Variants in POLA1 observed in about 807,000 individuals in gnomAD.
The protein encoded by POLA1 is DNA polymerase alpha 1, catalytic subunit.
In POLA1, 15 loss-of-function variants were observed where a neutral mutation model predicts 124.0. That is an observed-to-expected ratio of 0.12 (90% CI 0.08 to 0.19). The LOEUF is 0.19. Among genes scored for constraint, POLA1 ranks in the 10% least tolerant of loss-of-function variants. The probability of loss-of-function intolerance (pLI) is 1.00; values close to 1 mark genes in which losing one functional copy is unlikely to be tolerated. For synonymous variants in POLA1, 408 were observed against 389.4 expected (o/e 1.05, Z -0.56); for missense variants, 886 against 1,103.4 (o/e 0.80, Z 2.79).
chrX:24,917,392 A>G (rs767895672), intron 35 of POLA1, among the ~76,000 whole-genome samples: 3 of 111,993 alleles, frequency 2.7e-5, no homozygotes, highest in African/African-American at 9.7e-5. Flanking sequence ...TAGACAAGGA[A>G]TTAGTGAATT....
intron 35 of POLA1, among the ~76,000 whole-genome samples, chrX:24,924,053 AAG>A (rs894182797): frequency 1.9e-4 from 21 of 112,175 alleles, no homozygotes; most frequent in African/African-American, 6.8e-4. Flanking sequence ...ATTCATTTAA[AAG>A]AGACACTCAT....
intron 35 of POLA1, among the ~76,000 whole-genome samples, chrX:24,910,939 A>G (rs1413509411): frequency 4.4e-5 from 5 of 112,442 alleles, no homozygotes; most frequent in Non-Finnish European, 9.4e-5. Context: ...ATTCTTTTCA[A>G]GTGTACATGG....
intron 36 of POLA1, among the ~76,000 whole-genome samples, chrX:24,975,080 C>T (rs1483471130): frequency 3.6e-5 from 4 of 112,335 alleles, no homozygotes; most frequent in Admixed American, 9.4e-5. Flanking sequence ...GACATGATCT[C>T]GGCTCACTGC....
chrX:24,798,577 A>G (rs2045652949), intron 26 of POLA1, among the ~76,000 whole-genome samples: 2 of 110,711 alleles, frequency 1.8e-5, no homozygotes, highest in Non-Finnish European at 1.9e-5. Flanking sequence ...CCACCTTCAT[A>G]TTGTAAGAAG....
rs772362759 is a variant in POLA1 at position 24,881,136 on chromosome X, CTTA to C, written c.4048-6868_4048-6866del. Among the ~76,000 whole-genome samples, 340 of 111,997 alleles carry C rather than the reference CTTA, an allele frequency of 3.0e-3. 2 individuals are homozygous for C. Among genetic ancestry groups the C allele is most frequent in the African/African-American group, 0.01 (314 of 30,850 alleles). On this transcript the variant is annotated intron_variant, in intron 34 of 36. Transcript: ENST00000379068. ...TCAGGAAAAAAATACGAAAATTTCA[CTTA>C]TGTTGACTACACAGTTGTAATATTT...
At chrX:24,937,674 T>G (rs986755612) in intron 36 of POLA1, among the ~76,000 whole-genome samples, 1 of 111,827 alleles carries the variant, frequency 8.9e-6, no homozygotes, top group African/African-American at 3.3e-5. Context: ...ACGTGGAAGC[T>G]TGTTAGAAAT....
chrX:24,813,172 G>T (rs768203136), intron 29 of POLA1, among the ~76,000 whole-genome samples: 4 of 110,628 alleles, frequency 3.6e-5, no homozygotes, highest in African/African-American at 1.3e-4. Context: ...CGTTGATGTT[G>T]GTTTGTTTTG....
chrX:24,935,320 C>T (rs1342975380), intron 36 of POLA1, among the ~76,000 whole-genome samples: 1 of 112,513 alleles, frequency 8.9e-6, no homozygotes, highest in Non-Finnish European at 1.9e-5. Flanking sequence ...TTCCTTTGAA[C>T]ACTGCCGGAA....
chrX:24,843,656 T>A lies in POLA1; in HGVS notation c.4026T>A (p.Arg1342=), dbSNP rs1351804433. ...ACAAATTGATCATGGACATTAGACG[T>A]TTCATTAAAAAGTACTATGATGTAA... ...LSNKLIMDIR[R]FIKKYYDGWL... The change falls in exon 34 of 37, where the codon CGT becomes CGA. Residue 1342 remains arginine (R), a synonymous_variant. Coordinates refer to ENST00000379068, the MANE Select transcript of POLA1 (RefSeq NM_001330360.2). The A allele has an allele frequency of 1.7e-6, 2 of 1,176,383 alleles. No homozygotes were observed. Among genetic ancestry groups the A allele is most frequent in the Non-Finnish European group, 2.3e-6 (2 of 870,116 alleles).
chrX:24,840,403 A>T (rs1220849687), intron 32 of POLA1, among the ~76,000 whole-genome samples: 1 of 112,240 alleles, frequency 8.9e-6, no homozygotes, highest in Non-Finnish European at 1.9e-5. Context: ...ATGATCAGTG[A>T]TGCTACCTCC....
chrX:24,771,393 T>C (rs753113251), intron 26 of POLA1, among the ~76,000 whole-genome samples: 9 of 111,902 alleles, frequency 8.0e-5, no homozygotes, highest in African/African-American at 2.6e-4. Flanking sequence ...GACATTGCTC[T>C]TTGCCTGAAG....
At chrX:24,715,932 T>G (rs1474553907) in intron 6 of POLA1, among the ~76,000 whole-genome samples, 1 of 111,432 alleles carries the variant, frequency 9.0e-6, no homozygotes, top group Admixed American at 9.5e-5. Context: ...CTATCCCTGA[T>G]AGAACTCAAA....
chrX:24,976,811 T>G (rs1176007242), intron 36 of POLA1, among the ~76,000 whole-genome samples: 3 of 112,099 alleles, frequency 2.7e-5, no homozygotes, highest in Non-Finnish European at 5.6e-5. Flanking sequence ...CACTGCTGTT[T>G]TCAGTATTCA....
At chrX:24,950,580 C>G (rs1367497213) in intron 36 of POLA1, among the ~76,000 whole-genome samples, 1 of 111,936 alleles carries the variant, frequency 8.9e-6, no homozygotes, top group African/African-American at 3.2e-5. Flanking sequence ...ACCAGTAGTT[C>G]AACATATTAA....
At chrX:24,739,123 T>G (rs757574786) in intron 19 of POLA1, among the ~76,000 whole-genome samples, 2 of 111,790 alleles carry the variant, frequency 1.8e-5, no homozygotes, top group Non-Finnish European at 3.8e-5. Context: ...ACTATATAAT[T>G]TCTTGTTTAT....
intron 32 of POLA1, among the ~76,000 whole-genome samples, chrX:24,830,029 T>C (rs1281669127): frequency 8.9e-6 from 1 of 112,108 alleles, no homozygotes; most frequent in African/African-American, 3.2e-5. Flanking sequence ...ATGAAATGTA[T>C]TGTAGTATTG....
intron 29 of POLA1, 22 bp from the exon 30 acceptor site, chrX:24,814,957 G>GTT (rs749255466): frequency 0.01 from 8,548 of 830,950 alleles, 4 homozygotes; most frequent in African/African-American, 0.017. Context: ...TCTTTGTTTT[G>GTT]TTTTTTTTTT....
At chrX:24,758,310 G>T (rs1932717954) in intron 26 of POLA1, among the ~76,000 whole-genome samples, 1 of 111,595 alleles carries the variant, frequency 9.0e-6, no homozygotes, top group Non-Finnish European at 1.9e-5. Flanking sequence ...AAATAAGTGG[G>T]TTACACTTAG....
intron 36 of POLA1, among the ~76,000 whole-genome samples, chrX:24,943,840 AT>A (rs2047932915): frequency 8.9e-6 from 1 of 112,284 alleles, no homozygotes; most frequent in Non-Finnish European, 1.9e-5. Flanking sequence ...AGGTTCTGCT[AT>A]TCCTTGTTGT....
Sources: allele counts gnomAD v4.1 joint callset (sites outside exome capture counted in the v4.1 genomes callset), GRCh38; gene constraint gnomAD v4.1.1; transcripts MANE v1.5; gene names NCBI Gene and HGNC (gene_info 2026-07-23, HGNC 2026-07-21).